ATP13A3: variants seen among roughly 807,000 people sequenced by gnomAD.
ATP13A3 encodes polyamine-transporting ATPase 13A3.
ATP13A3 carries 59 observed loss-of-function variants against 158.1 expected under a neutral mutation model. That is an observed-to-expected ratio of 0.37 (90% CI 0.30 to 0.46). The LOEUF is 0.46. Ranked by LOEUF, ATP13A3 falls within the 20% of genes least tolerant of loss-of-function variation. The probability of loss-of-function intolerance (pLI) is 1.00; values close to 1 mark genes in which losing one functional copy is unlikely to be tolerated. For synonymous variants in ATP13A3, 491 were observed against 504.3 expected (o/e 0.97, Z 0.35); for missense variants, 1,166 against 1,525.2 (o/e 0.76, Z 3.92).
intron 31 of ATP13A3, among the ~76,000 whole-genome samples, chr3:194,417,436 C>CACACACAG (rs763350749): frequency 6.7e-6 from 1 of 150,202 alleles, no homozygotes; most frequent in African/African-American, 2.5e-5. Flanking sequence ...CACACACACA[C>CACACACAG]ACACACACAA....
intron 2 of ATP13A3, among the ~76,000 whole-genome samples, chr3:194,465,327 C>T (rs983468330): frequency 6.6e-6 from 1 of 152,114 alleles, no homozygotes. Context: ...GGTCAGATCA[C>T]CAGAAGAGAG....
Position 194,444,981 on chromosome 3 carries a change from G to C in ATP13A3, c.1498-195C>G, listed in dbSNP as rs1195852723. ...GCTTCCAGGACATATGGTTAAAGTG[G>C]GAGAGGGGGTGCAAACAATGATCAC... On this transcript the variant is annotated intron_variant, in intron 14 of 33. Coordinates refer to ENST00000645319, the MANE Select transcript of ATP13A3 (RefSeq NM_001367549.1). Among the ~76,000 whole-genome samples, 4 of 152,248 alleles carry C rather than the reference G, an allele frequency of 2.6e-5. No individual in the cohort carries two copies. In the East Asian group the frequency reaches 7.7e-4, roughly 29 times the overall value.
At chr3:194,421,159 A>ATATATAC (rs1553796406) in intron 30 of ATP13A3, among the ~76,000 whole-genome samples, 16 of 49,370 alleles carry the variant, frequency 3.2e-4, no homozygotes, top group East Asian at 6.4e-4. Flanking sequence ...ATATATATAT[A>ATATATAC]TATATATATA....
chr3:194,431,089 A>C lies in ATP13A3; in HGVS notation c.2544+15T>G. 6.2e-7 allele frequency: 1 copy of C among 1,613,254 alleles called. No homozygotes were observed. Among genetic ancestry groups the C allele is most frequent in the Non-Finnish European group, 8.5e-7 (1 of 1,179,318 alleles). On this transcript the variant is annotated intron_variant, in intron 23 of 33. Transcript: ENST00000645319. ...TGCATTCATGTGAGCACACACATAC[A>C]CCCAAATTACTTACCTTAGGAACAA...
rs142788457 is a variant in ATP13A3 at position 194,415,268 on chromosome 3, C to CG, written c.3403-1430dup. Among the ~76,000 whole-genome samples the CG allele has an allele frequency of 9.5e-3, 1,452 of 152,248 alleles. 13 individuals are homozygous for CG. Among genetic ancestry groups the CG allele is most frequent in the Non-Finnish European group, 0.016 (1,111 of 68,022 alleles). Reference sequence around the variant, plus strand: ...TTGGACTTAACAAGTAAGAGGCTAACGGCCTTGCTGAGGGCCGTTTCAGTA... The same window carrying CG: ...TTGGACTTAACAAGTAAGAGGCTAACGGGCCTTGCTGAGGGCCGTTTCAGTA... On this transcript the variant is annotated intron_variant, in intron 31 of 33. Coordinates refer to ENST00000645319, the MANE Select transcript of ATP13A3 (RefSeq NM_001367549.1).
chr3:194,407,391 G>A (rs1180607156), intron 33 of ATP13A3, among the ~76,000 whole-genome samples: 1 of 152,182 alleles, frequency 6.6e-6, no homozygotes, highest in Non-Finnish European at 1.5e-5. Flanking sequence ...AGCTATAGAT[G>A]TATTTTGAAA....
chr3:194,429,764 C>T lies in ATP13A3; in HGVS notation c.2788G>A (p.Ala930Thr). Reference sequence around the variant, plus strand: ...ACACAGAAGGAAGTTATTAAAGCAGCACGGCCTTCCCTGTGAAAAGAAATC... The same window carrying T: ...ACACAGAAGGAAGTTATTAAAGCAGTACGGCCTTCCCTGTGAAAAGAAATC... Reference protein sequence around the residue: ...CVPNLIREGRAALITSFCVFK... With the variant: ...CVPNLIREGRTALITSFCVFK... The change falls in exon 27 of 34, where the codon GCT becomes ACT. Residue 930 changes from alanine to threonine, a missense_variant. This residue lies in a region of ATP13A3 where 997 missense variants were observed against 1,341.2 expected (regional missense o/e 0.74). Coordinates refer to ENST00000645319, the MANE Select transcript of ATP13A3 (RefSeq NM_001367549.1). 6.2e-7 allele frequency: 1 copy of T among 1,613,710 alleles called. No homozygotes were observed. Among genetic ancestry groups the T allele is most frequent in the Non-Finnish European group, 8.5e-7 (1 of 1,179,732 alleles).
At chr3:194,433,964 T>C in intron 20 of ATP13A3, 68 bp from the exon 21 acceptor site, 1 of 1,440,198 alleles carries the variant, frequency 6.9e-7, no homozygotes, top group South Asian at 1.3e-5. Flanking sequence ...GTACACAAAC[T>C]TGAAATATCT....
intron 31 of ATP13A3, among the ~76,000 whole-genome samples, chr3:194,415,945 T>C (rs1199134750): frequency 6.6e-6 from 1 of 152,180 alleles, no homozygotes; most frequent in Non-Finnish European, 1.5e-5. Flanking sequence ...GTCCGTAACA[T>C]ACAAGAAAAG....
rs776045611 is a variant in ATP13A3 at position 194,413,747 on chromosome 3, G to A, written c.3483+12C>T. The A allele has an allele frequency of 2.7e-5, 43 of 1,604,158 alleles. No homozygotes were observed. The highest frequency in any genetic ancestry group is 3.4e-5 in the Non-Finnish European group (40 of 1,171,066). ...AGCAACATGGTAGCCATTTGACTATGGAAGTGCTTACCTCCACTGTGATAG... is the reference window on the plus strand; with the variant it reads ...AGCAACATGGTAGCCATTTGACTATAGAAGTGCTTACCTCCACTGTGATAG... On this transcript the variant is annotated intron_variant, in intron 32 of 33. Transcript: ENST00000645319.
At chr3:194,426,754 A>G (rs1175537629) in intron 29 of ATP13A3, among the ~76,000 whole-genome samples, 2 of 152,114 alleles carry the variant, frequency 1.3e-5, no homozygotes, top group Admixed American at 6.6e-5. Context: ...TCTGCCTCCC[A>G]GGTTCAAGTG....
intron 33 of ATP13A3, among the ~76,000 whole-genome samples, chr3:194,411,425 CT>C (rs1474623431): frequency 6.6e-6 from 1 of 152,108 alleles, no homozygotes; most frequent in African/African-American, 2.4e-5. Context: ...TTCTCTATGC[CT>C]AAAAAGCTGC....
At position 194,415,661 on chromosome 3, in the gene ATP13A3, C is replaced by CTTTTTTTTTTT. The variant is rs751005733; in HGVS notation, c.3403-1833_3403-1823dup. Among the ~76,000 whole-genome samples the CTTTTTTTTTTT allele has an allele frequency of 1.8e-4, 16 of 90,926 alleles. 3 individuals are homozygous for CTTTTTTTTTTT. Among genetic ancestry groups the CTTTTTTTTTTT allele is most frequent in the African/African-American group, 6.6e-4 (14 of 21,118 alleles). 59.7% of individuals were successfully genotyped at this position (90,926 alleles called of 152,430 possible). A position where few individuals can be genotyped will look rare whatever the true frequency, so the allele number is the denominator to read the frequency against. On this transcript the variant is annotated intron_variant, in intron 31 of 33. Coordinates refer to ENST00000645319, the MANE Select transcript of ATP13A3 (RefSeq NM_001367549.1). ...GTGCAAGGATTTACAATACCACATTCTTTTTTTTTTTTTTTTTTTTTTTTT... is the reference window on the plus strand; with the variant it reads ...GTGCAAGGATTTACAATACCACATTCTTTTTTTTTTTTTTTTTTTTTTTTTTTTTTTTTTTT...
At position 194,486,556 on chromosome 3, in the gene ATP13A3, C is replaced by A. The variant is rs995069501; in HGVS notation, c.-89+10G>T. On this transcript the variant is annotated intron_variant, in intron 1 of 33. Coordinates refer to ENST00000645319, the MANE Select transcript of ATP13A3 (RefSeq NM_001367549.1). ...GGCGCCGCTGCCCACCCGCCCCTCG[C>A]CCCGCTCACCGGGGCCGCTCACTGG... The A allele has an allele frequency of 6.6e-6, 1 of 151,880 alleles. No homozygotes were observed. Among genetic ancestry groups the A allele is most frequent in the African/African-American group, 2.4e-5 (1 of 41,248 alleles). 9.4% of individuals were successfully genotyped at this position (151,880 alleles called of 1,614,324 possible). A position where few individuals can be genotyped will look rare whatever the true frequency, so the allele number is the denominator to read the frequency against.
chr3:194,487,430 A>G (rs1721057510), upstream of ATP13A3: 1 of 152,302 alleles, frequency 6.6e-6, no homozygotes, highest in African/African-American at 2.4e-5. Flanking sequence ...CCCAGCTCCT[A>G]ATGCAAGGCT....
At chr3:194,437,287 C>A (rs763574783) in intron 19 of ATP13A3, 24 bp downstream of exon 19, 3 of 1,614,094 alleles carry the variant, frequency 1.9e-6, no homozygotes, top group East Asian at 2.2e-5. Flanking sequence ...CAGAATTGTA[C>A]CCAAAGCATA....
intron 9 of ATP13A3, 98 bp downstream of exon 9, chr3:194,454,160 T>G: frequency 1.7e-6 from 2 of 1,193,660 alleles, no homozygotes; most frequent in Non-Finnish European, 2.3e-6. Flanking sequence ...AATGACTGCA[T>G]TGAGAATTTA....
At chr3:194,464,387 G>A (rs1719867847) in intron 2 of ATP13A3, among the ~76,000 whole-genome samples, 1 of 152,122 alleles carries the variant, frequency 6.6e-6, no homozygotes, top group South Asian at 2.1e-4. Context: ...TTTTGGGCAT[G>A]GTAACAAGAT....
chr3:194,459,583 C>CA, intron 5 of ATP13A3, 42 bp from the exon 6 acceptor site: 1 of 1,482,714 alleles, frequency 6.7e-7, no homozygotes. Flanking sequence ...AGCATATAAT[C>CA]ACTTGTGATA....
Sources: gnomAD v4.1 joint callset for allele counts (sites outside exome capture counted in the v4.1 genomes callset) on GRCh38, gnomAD v4.1.1 for gene constraint, gnomAD v4.1.1 regional missense constraint, MANE v1.5 for transcripts, NCBI Gene and HGNC (gene_info 2026-07-23, HGNC 2026-07-21) for gene names.